Variants in SNX29 observed in about 807,000 individuals in gnomAD.
The protein encoded by SNX29 is sorting nexin-29.
In SNX29, 78 loss-of-function variants were observed where a neutral mutation model predicts 102.1. That is an observed-to-expected ratio of 0.76 (90% CI 0.64 to 0.92). The LOEUF (loss-of-function observed/expected upper bound fraction) is 0.92. Ranked by LOEUF, SNX29 falls within the 40% of genes least tolerant of loss-of-function variation. SNX29 has a pLI of 0.00. For synonymous variants in SNX29, 580 were observed against 414.5 expected, an observed-to-expected ratio of 1.40 and a Z score of -4.85; for missense variants, 1,280 against 1,061.7, an observed-to-expected ratio of 1.21 and a Z score of -2.86.
chr16:12,284,849 C>T (rs569163662), intron 15 of SNX29, among the ~76,000 whole-genome samples: 208 of 152,082 alleles, frequency 1.4e-3, no homozygotes, highest in African/African-American at 4.7e-3. Context: ...CTCAGCCTCC[C>T]GAGTAGCTGA....
chr16:12,556,861 T>C (rs936353336), intron 20 of SNX29, among the ~76,000 whole-genome samples: 8 of 152,038 alleles, frequency 5.3e-5, no homozygotes, highest in African/African-American at 1.7e-4. Flanking sequence ...AAATTGAATT[T>C]TTTTTTTTTG....
intron 15 of SNX29, among the ~76,000 whole-genome samples, chr16:12,284,402 G>T (rs1351187402): frequency 6.6e-6 from 1 of 152,234 alleles, no homozygotes; most frequent in Admixed American, 6.5e-5. Context: ...GACAGGAGGT[G>T]TCTCTGTGCT....
chr16:12,296,379 GAAGA>G (rs1303743295), intron 15 of SNX29, among the ~76,000 whole-genome samples: 2 of 151,404 alleles, frequency 1.3e-5, no homozygotes, highest in Non-Finnish European at 2.9e-5. Flanking sequence ...TATATGGGGA[GAAGA>G]AAGAAATTTC....
chr16:12,548,813 C>T (rs753392399), intron 20 of SNX29, among the ~76,000 whole-genome samples: 2 of 152,176 alleles, frequency 1.3e-5, no homozygotes, highest in Non-Finnish European at 2.9e-5. Flanking sequence ...TGTTGTTTTC[C>T]TATGGCAGGC....
chr16:12,372,438 A>C (rs2082719019), intron 16 of SNX29: 1 of 152,090 alleles, frequency 6.6e-6, no homozygotes, highest in East Asian at 1.9e-4. Context: ...TTCTTTGTTT[A>C]TTCATTAGTT....
intron 13 of SNX29, among the ~76,000 whole-genome samples, chr16:12,179,519 C>T (rs1374671381): frequency 2.0e-5 from 3 of 152,200 alleles, no homozygotes; most frequent in Admixed American, 6.5e-5. Context: ...TCCCTGTTTT[C>T]TTCCATTTTA....
intron 11 of SNX29, among the ~76,000 whole-genome samples, chr16:12,109,184 C>T (rs1228227417): frequency 6.9e-6 from 1 of 145,212 alleles, no homozygotes; most frequent in Non-Finnish European, 1.5e-5. Flanking sequence ...TAGAGTTGTG[C>T]AGGCTGAGAA....
At chr16:12,566,767 G>A (rs115819636) in intron 20 of SNX29, among the ~76,000 whole-genome samples, 358 of 152,328 alleles carry the variant, frequency 2.4e-3, no homozygotes, top group African/African-American at 8.2e-3. Flanking sequence ...ACCTAAAGGA[G>A]GAAAGCACAG....
intron 9 of SNX29, among the ~76,000 whole-genome samples, chr16:12,062,837 G>C (rs1314499290): frequency 1.3e-5 from 2 of 152,226 alleles, no homozygotes; most frequent in African/African-American, 4.8e-5. Context: ...CACAGAGGCA[G>C]GGCGGGGACA....
intron 15 of SNX29, among the ~76,000 whole-genome samples, chr16:12,284,156 C>T (rs1052872852): frequency 3.9e-5 from 6 of 152,230 alleles, no homozygotes; most frequent in South Asian, 2.1e-4. Flanking sequence ...TGGCGACATT[C>T]GGACTTTGGG....
chr16:12,052,912 G>A (rs189675709), intron 8 of SNX29: 3 of 153,882 alleles, frequency 1.9e-5, no homozygotes, highest in African/African-American at 4.8e-5. Context: ...CGAAGGCAGC[G>A]TTAGGAGAAT....
intron 14 of SNX29, among the ~76,000 whole-genome samples, chr16:12,210,772 C>T (rs1028880799): frequency 2.6e-5 from 4 of 152,042 alleles, no homozygotes; most frequent in African/African-American, 7.2e-5. Context: ...TCCCCTATCT[C>T]CTCCCCTCCT....
chr16:12,449,573 A>T (rs1165728492), intron 18 of SNX29, among the ~76,000 whole-genome samples: 1 of 152,194 alleles, frequency 6.6e-6, no homozygotes, highest in Non-Finnish European at 1.5e-5. Context: ...GGCTGCAGGC[A>T]CGGGTTGATC....
chr16:12,107,532 G>A (rs953970244), intron 11 of SNX29, among the ~76,000 whole-genome samples: 1 of 152,122 alleles, frequency 6.6e-6, no homozygotes, highest in African/African-American at 2.4e-5. Flanking sequence ...GCCAGGCATG[G>A]TGACTGAGGC....
At chr16:12,168,662 C>A (rs1261063598) in intron 13 of SNX29, among the ~76,000 whole-genome samples, 1 of 152,216 alleles carries the variant, frequency 6.6e-6, no homozygotes, top group African/African-American at 2.4e-5. Flanking sequence ...TTTCCCTTTG[C>A]TTCATCTCTC....
intron 14 of SNX29, among the ~76,000 whole-genome samples, chr16:12,257,181 C>T (rs117986690): frequency 0.025 from 3,873 of 152,264 alleles, 73 homozygotes; most frequent in East Asian, 0.12. Flanking sequence ...CTGCCCTGAG[C>T]TCTGGAGGCC....
chr16:11,985,873 C>T (rs910923311), intron 1 of SNX29, among the ~76,000 whole-genome samples: 2 of 150,230 alleles, frequency 1.3e-5, no homozygotes, highest in African/African-American at 4.9e-5. Context: ...TGCTCTGTCA[C>T]CCAGGCTGGA....
chr16:11,995,000 GTT>G (rs950141088), intron 1 of SNX29, among the ~76,000 whole-genome samples: 12 of 152,144 alleles, frequency 7.9e-5, no homozygotes, highest in African/African-American at 2.9e-4. Flanking sequence ...GCTCTCCACT[GTT>G]CCTCTCAGTT....
intron 11 of SNX29, among the ~76,000 whole-genome samples, chr16:12,085,883 A>G (rs1163425570): frequency 6.6e-6 from 1 of 152,214 alleles, no homozygotes; most frequent in Non-Finnish European, 1.5e-5. Context: ...CCAAGGCCTC[A>G]TGGCTAGTAG....
Sources: allele counts gnomAD v4.1 joint callset (sites outside exome capture counted in the v4.1 genomes callset), GRCh38; gene constraint gnomAD v4.1.1; transcripts MANE v1.5; gene names NCBI Gene and HGNC (gene_info 2026-07-23, HGNC 2026-07-21).